PCGF3: variants seen among roughly 807,000 people sequenced by gnomAD.
PCGF3 encodes polycomb group RING finger protein 3.
In PCGF3, 7 loss-of-function variants were observed where a neutral mutation model predicts 33.1. The ratio of observed to expected loss-of-function variants is 0.21; its 90% CI spans 0.12 to 0.40. The LOEUF is 0.40. Among genes scored for constraint, PCGF3 ranks in the 10% least tolerant of loss-of-function variants. The pLI is 1.00. For missense variants in PCGF3, 211 were observed against 313.3 expected (o/e 0.67, Z 2.46); for synonymous variants, 153 against 121.3 (o/e 1.26, Z -1.72).
chr4:765,976 G>A (rs1464495685), intron 10 of PCGF3, 56 bp from the exon 11 acceptor site: 3 of 1,526,670 alleles, frequency 2.0e-6, no homozygotes, highest in Non-Finnish European at 2.7e-6. Context: ...GATGAAGTAG[G>A]TCCTTCTCGC....
chr4:727,022 TC>T (rs1327421167), intron 1 of PCGF3, among the ~76,000 whole-genome samples: 2 of 152,266 alleles, frequency 1.3e-5, no homozygotes, highest in East Asian at 3.9e-4. Flanking sequence ...CGCTCCTGCG[TC>T]TGCCCCTCTC....
At chr4:755,029 G>T (rs142569826) in intron 8 of PCGF3, among the ~76,000 whole-genome samples, 1 of 152,222 alleles carries the variant, frequency 6.6e-6, no homozygotes, top group Non-Finnish European at 1.5e-5. Context: ...CATAGACAGC[G>T]ACAGGTCTTT....
chr4:739,361 G>A (rs1050722049), intron 6 of PCGF3, among the ~76,000 whole-genome samples: 1 of 152,104 alleles, frequency 6.6e-6, no homozygotes, highest in Non-Finnish European at 1.5e-5. Context: ...CCTCCATCCT[G>A]GCTAATTTTT....
At chr4:727,227 G>C (rs1443820522) in intron 1 of PCGF3, among the ~76,000 whole-genome samples, 1 of 132,442 alleles carries the variant, frequency 7.6e-6, no homozygotes, top group Non-Finnish European at 1.7e-5. Context: ...GTGTGTTAGC[G>C]AGCGTCTTTT....
At chr4:709,728 A>G (rs557014496) in intron 1 of PCGF3, among the ~76,000 whole-genome samples, 8 of 152,320 alleles carry the variant, frequency 5.3e-5, no homozygotes, top group Non-Finnish European at 8.8e-5. Context: ...TCGGGATTTC[A>G]TCTTTGCCAC....
chr4:766,335 GGA>G lies in PCGF3; in HGVS notation c.*260_*261del. The G allele has an allele frequency of 7.1e-6, 3 of 424,764 alleles. No individual in the cohort carries two copies. In the South Asian group the frequency reaches 9.7e-5, roughly 14 times the overall value. The allele number at this position is 424,764 out of a possible 1,614,324, so 26.3% of individuals were successfully genotyped here. A position where few individuals can be genotyped will look rare whatever the true frequency, so the allele number is the denominator to read the frequency against. ...CCCACCCCGTGCTTCAGCCTTGCAG[GGA>G]GAGTGATGCTCCAGGCAACACGGTT... On this transcript the variant is annotated 3_prime_UTR_variant, in exon 11 of 11. Transcript: ENST00000362003.
chr4:760,013 C>G (rs1030668894), intron 8 of PCGF3, among the ~76,000 whole-genome samples: 6 of 152,202 alleles, frequency 3.9e-5, no homozygotes, highest in East Asian at 1.9e-4. Flanking sequence ...CACATTGTCC[C>G]TCTCCTGTGA....
exon 11 of PCGF3, chr4:767,700 T>C (rs1337051726): frequency 6.6e-6 from 1 of 152,454 alleles, no homozygotes; most frequent in East Asian, 1.9e-4. Flanking sequence ...AAGTTCTTTG[T>C]TAGGAATTGG....
At chr4:706,324 G>A (rs1742299514) in intron 1 of PCGF3, among the ~76,000 whole-genome samples, 1 of 149,606 alleles carries the variant, frequency 6.7e-6, no homozygotes, top group Admixed American at 6.6e-5. Flanking sequence ...CAGGACCCAG[G>A]GAGGGCTGGG....
intron 1 of PCGF3, among the ~76,000 whole-genome samples, chr4:729,157 G>A (rs1743450340): frequency 1.4e-5 from 2 of 141,886 alleles, no homozygotes; most frequent in Non-Finnish European, 3.0e-5. Context: ...GCTCACACCT[G>A]TAATCTCAGC....
rs564379892 is a variant in PCGF3 at position 741,325 on chromosome 4, T to C, written c.263-2149T>C. ...CCAATTGGCTGATTCGTTAGCGTTATGCCAACAGTGAGCTCCTCAGATCAG... is the reference window on the plus strand; with the variant it reads ...CCAATTGGCTGATTCGTTAGCGTTACGCCAACAGTGAGCTCCTCAGATCAG... On this transcript the variant is annotated intron_variant, in intron 6 of 10. Coordinates refer to ENST00000362003, the Ensembl canonical transcript of PCGF3. Among the ~76,000 whole-genome samples, 7 of 152,374 alleles carry C rather than the reference T, an allele frequency of 4.6e-5. 1 individual carries two copies. The South Asian group carries it at 1.4e-3, about 32-fold the overall frequency.
chr4:719,072 A>G (rs1403572763), intron 1 of PCGF3, among the ~76,000 whole-genome samples: 1 of 151,820 alleles, frequency 6.6e-6, no homozygotes, highest in African/African-American at 2.4e-5. Flanking sequence ...CTCCTGCCTC[A>G]GGCTCCTGAG....
At chr4:750,188 G>T (rs1744450655) in intron 8 of PCGF3, among the ~76,000 whole-genome samples, 1 of 152,198 alleles carries the variant, frequency 6.6e-6, no homozygotes. Context: ...TATTTTCACT[G>T]GCATTCATTT....
intron 6 of PCGF3, among the ~76,000 whole-genome samples, chr4:741,649 C>T (rs1398076894): frequency 1.3e-5 from 2 of 152,102 alleles, no homozygotes; most frequent in Non-Finnish European, 2.9e-5. Flanking sequence ...CCTCATGATC[C>T]GCCCGCCTCA....
At chr4:769,589 G>C (rs1283345471) in exon 11 of PCGF3, 1 of 152,674 alleles carries the variant, frequency 6.5e-6, no homozygotes, top group Non-Finnish European at 1.5e-5. Flanking sequence ...ACGGGACAGG[G>C]TGCGGGCAAT....
intron 4 of PCGF3, chr4:734,211 C>G (rs1743739745): frequency 6.6e-7 from 1 of 1,525,686 alleles, no homozygotes; most frequent in African/African-American, 1.4e-5. Flanking sequence ...AGAGGACTCA[C>G]ACCTGGGGCT....
intron 9 of PCGF3, among the ~76,000 whole-genome samples, chr4:763,406 C>T (rs560815028): frequency 4.6e-4 from 70 of 152,182 alleles, no homozygotes; most frequent in African/African-American, 1.4e-3. Context: ...CTGCGTTAAC[C>T]GTGCCTCTGA....
In PCGF3 at chr4:761,250, T is replaced by C. The variant is rs1193198820; in HGVS notation, c.463-29T>C. ...GAACCGTCCGGGGGAACCCTCCTGC[T>C]GCGCTCTCACCAGCGTCCTTTCCCG... On this transcript the variant is annotated intron_variant, in intron 8 of 10. Transcript: ENST00000362003. 2.6e-6 allele frequency: 4 copies of C among 1,549,942 alleles called. No homozygotes were observed. In the African/African-American group the frequency reaches 5.5e-5, roughly 21 times the overall value.
intron 8 of PCGF3, among the ~76,000 whole-genome samples, chr4:753,206 C>T (rs1361958374): frequency 2.6e-5 from 4 of 152,316 alleles, no homozygotes; most frequent in Non-Finnish European, 5.9e-5. Flanking sequence ...TTTTCTGAGA[C>T]AGGATCTTAC....
Sources: gnomAD v4.1 joint callset for allele counts (sites outside exome capture counted in the v4.1 genomes callset) on GRCh38, gnomAD v4.1.1 for gene constraint, MANE v1.5 for transcripts, NCBI Gene and HGNC (gene_info 2026-07-23, HGNC 2026-07-21) for gene names.